The following PTCHD4 variants were observed in gnomAD, a reference collection of about 807,000 sequenced individuals.
PTCHD4 encodes the protein patched domain containing 4.
A neutral mutation model predicts 58.1 loss-of-function variants in PTCHD4; 33 were observed. The observed-to-expected ratio is 0.57, with a 90% CI of 0.43 to 0.76. PTCHD4 has a LOEUF of 0.76. Ranked by LOEUF, PTCHD4 falls within the 30% of genes least tolerant of loss-of-function variation. PTCHD4 has a pLI of 0.00. For synonymous variants in PTCHD4, 478 were observed against 409.6 expected (o/e 1.17, Z -2.02); for missense variants, 1,058 against 1,027.1 (o/e 1.03, Z -0.41).
At chr6:48,095,134 C>T (rs779348658) in intron 1 of PTCHD4, among the ~76,000 whole-genome samples, 1 of 152,176 alleles carries the variant, frequency 6.6e-6, no homozygotes, top group Non-Finnish European at 1.5e-5. Flanking sequence ...TGTGTCAAAA[C>T]TTACCAAATT....
intron 4 of PTCHD4, among the ~76,000 whole-genome samples, chr6:47,981,796 C>T (rs915798133): frequency 3.3e-5 from 5 of 152,142 alleles, no homozygotes; most frequent in Non-Finnish European, 7.3e-5. Flanking sequence ...TTCAGGAGGA[C>T]ACAAATGGTT....
Position 47,870,567 on chromosome 6 carries a change from G to T in PTCHD4, c.*7736C>A, listed in dbSNP as rs576774115. Among the ~76,000 whole-genome samples the T allele has an allele frequency of 2.0e-5, 3 of 151,666 alleles. No homozygotes were observed. The highest frequency in any genetic ancestry group is 4.4e-5 in the Non-Finnish European group (3 of 67,710). ...AATTTTGATAATGGACCAAATTCAG[G>T]TGAATTGGAAACTTTGGAAACTTTG... On this transcript the variant is annotated 3_prime_UTR_variant, in exon 5 of 5. Transcript: ENST00000339488.
At chr6:47,950,470 G>GAT (rs1311210529) in intron 4 of PTCHD4, among the ~76,000 whole-genome samples, 2 of 152,246 alleles carry the variant, frequency 1.3e-5, no homozygotes, top group South Asian at 4.1e-4. Flanking sequence ...AGGTTACATA[G>GAT]ATATTGGATG....
In PTCHD4 at chr6:48,068,156, A is replaced by T; in HGVS notation, c.417+74T>A. 6.9e-7 allele frequency: 1 copy of T among 1,439,744 alleles called. No individual in the cohort carries two copies. Among genetic ancestry groups the T allele is most frequent in the Non-Finnish European group, 9.4e-7 (1 of 1,065,798 alleles). 89.2% of individuals were successfully genotyped at this position (1,439,744 alleles called of 1,614,324 possible). A position where few individuals can be genotyped will look rare whatever the true frequency, so the allele number is the denominator to read the frequency against. ...CTCTAGCACTGAAATAATATCATCC[A>T]GCACGCATTTCTTATCCTGATTTCT... On this transcript the variant is annotated intron_variant, in intron 3 of 4. Coordinates refer to ENST00000339488, the MANE Select transcript of PTCHD4 (RefSeq NM_001384253.1). The surrounding 1 kb of genome is among the most constrained non-coding windows in gnomAD (Gnocchi z 4.2).
intron 3 of PTCHD4, among the ~76,000 whole-genome samples, chr6:48,060,838 G>T (rs535458701): frequency 6.6e-6 from 1 of 152,278 alleles, no homozygotes; most frequent in South Asian, 2.1e-4. Flanking sequence ...ATGTTGGGAG[G>T]GGAGCTCCAG....
intron 4 of PTCHD4, among the ~76,000 whole-genome samples, chr6:47,945,452 C>T (rs1766378375): frequency 6.6e-6 from 1 of 151,974 alleles, no homozygotes. Flanking sequence ...CAGAGGTAAA[C>T]TCTCTCTTAA....
At chr6:47,990,731 G>T (rs1042454015) in intron 4 of PTCHD4, among the ~76,000 whole-genome samples, 1 of 152,000 alleles carries the variant, frequency 6.6e-6, no homozygotes, top group Non-Finnish European at 1.5e-5. Context: ...GGACTAATAC[G>T]TGTGCTTACC....
At chr6:47,915,701 T>C (rs1765222191) in intron 4 of PTCHD4, among the ~76,000 whole-genome samples, 1 of 152,082 alleles carries the variant, frequency 6.6e-6, no homozygotes, top group Admixed American at 6.6e-5. Flanking sequence ...TTACAGTGCT[T>C]GACATTTATA....
At chr6:47,971,385 A>G (rs1767503662) in intron 4 of PTCHD4, among the ~76,000 whole-genome samples, 1 of 152,186 alleles carries the variant, frequency 6.6e-6, no homozygotes, top group Non-Finnish European at 1.5e-5. Context: ...GTCCAAATTG[A>G]AATGGCCCAC....
At chr6:47,991,583 T>C (rs1768281020) in intron 4 of PTCHD4, among the ~76,000 whole-genome samples, 1 of 152,038 alleles carries the variant, frequency 6.6e-6, no homozygotes, top group African/African-American at 2.4e-5. Context: ...AAAGATTATG[T>C]ATGAGCTGTA....
intron 4 of PTCHD4, among the ~76,000 whole-genome samples, chr6:47,890,375 C>G (rs1341574456): frequency 6.6e-6 from 1 of 152,050 alleles, no homozygotes; most frequent in Admixed American, 6.6e-5. Flanking sequence ...TAGTTAGTAG[C>G]AAATTCCCCC....
intron 3 of PTCHD4, among the ~76,000 whole-genome samples, chr6:48,027,973 G>A (rs2814488): frequency 0.58 from 87,854 of 151,822 alleles, 25,564 homozygotes; most frequent in East Asian, 0.72. Flanking sequence ...AGACAGTCTC[G>A]CTCTATTGCT....
chr6:47,975,787 C>T (rs1767670698), intron 4 of PTCHD4, among the ~76,000 whole-genome samples: 1 of 152,114 alleles, frequency 6.6e-6, no homozygotes, highest in African/African-American at 2.4e-5. Context: ...GAAGCTCTTG[C>T]CCTTGGAAAG....
At position 47,958,877 on chromosome 6, in the gene PTCHD4, C is replaced by T. The variant is rs188399152; in HGVS notation, c.898+49757G>A. On this transcript the variant is annotated intron_variant, in intron 4 of 4. Coordinates refer to ENST00000339488, the MANE Select transcript of PTCHD4 (RefSeq NM_001384253.1). ...TACAGAAGGGTCTTCCATCAGTAGT[C>T]GGGAATGATTAGCTCTAGATGAGCA... Among the ~76,000 whole-genome samples, 13 of 152,168 alleles carry T rather than the reference C, an allele frequency of 8.5e-5. No homozygotes were observed. In the East Asian group the frequency reaches 9.7e-4, roughly 11 times the overall value.
At chr6:47,901,925 A>G in intron 4 of PTCHD4, 2 of 1,302,812 alleles carry the variant, frequency 1.5e-6, no homozygotes, top group Non-Finnish European at 2.0e-6. Context: ...AGGTAAATTC[A>G]GTGGAGATGC....
At position 47,861,947 on chromosome 6, in the gene PTCHD4, T is replaced by C. The variant is rs1763438079; in HGVS notation, c.*16356A>G. ...TTCCTAGTTCCTAGGTAACTGTCCA[T>C]ATTTCCTGTTATCGAAAAAGTTCTT... On this transcript the variant is annotated 3_prime_UTR_variant, in exon 5 of 5. Coordinates refer to ENST00000339488, the MANE Select transcript of PTCHD4 (RefSeq NM_001384253.1). Among the ~76,000 whole-genome samples, 1 of 151,880 alleles carries C rather than the reference T, an allele frequency of 6.6e-6. No individual in the cohort carries two copies. Among genetic ancestry groups the C allele is most frequent in the African/African-American group, 2.4e-5 (1 of 41,422 alleles).
At chr6:47,976,630 G>C (rs1368564833) in intron 4 of PTCHD4, among the ~76,000 whole-genome samples, 1 of 149,722 alleles carries the variant, frequency 6.7e-6, no homozygotes, top group African/African-American at 2.5e-5. Flanking sequence ...CTCCAGCCTG[G>C]GCCACAAGAG....
intron 3 of PTCHD4, among the ~76,000 whole-genome samples, chr6:48,028,367 A>G (rs1763322851): frequency 6.6e-6 from 1 of 152,152 alleles, no homozygotes; most frequent in African/African-American, 2.4e-5. Context: ...CAAGAATAAT[A>G]AAGAGGAAAA....
At chr6:48,044,793 C>A (rs1763975569) in intron 3 of PTCHD4, among the ~76,000 whole-genome samples, 1 of 151,630 alleles carries the variant, frequency 6.6e-6, no homozygotes, top group Admixed American at 6.6e-5. Context: ...TTTAAATCTC[C>A]AAATATTTTT....
Sources: allele counts gnomAD v4.1 joint callset (sites outside exome capture counted in the v4.1 genomes callset), GRCh38; gene constraint gnomAD v4.1.1; non-coding constraint Gnocchi (gnomAD v3.1); transcripts MANE v1.5; gene names NCBI Gene and HGNC (gene_info 2026-07-23, HGNC 2026-07-21).